ATP9A: variants seen among roughly 807,000 people sequenced by gnomAD.
The protein encoded by ATP9A is ATPase phospholipid transporting 9A, also known as probable phospholipid-transporting ATPase IIA.
ATP9A carries 52 observed loss-of-function variants against 144.1 expected under a neutral mutation model. That is an observed-to-expected ratio of 0.36 (90% CI 0.29 to 0.45). ATP9A has a LOEUF of 0.45. ATP9A is among the 20% of genes least tolerant of loss of function. The pLI, the probability that ATP9A is intolerant of heterozygous loss-of-function variation, is 1.00. For missense variants in ATP9A, 947 were observed against 1,392.7 expected, an observed-to-expected ratio of 0.68 and a Z score of 5.09; for synonymous variants, 582 against 557.4, an observed-to-expected ratio of 1.04 and a Z score of -0.62.
At chr20:51,630,244 T>C (rs916839859) in intron 15 of ATP9A, among the ~76,000 whole-genome samples, 9 of 152,084 alleles carry the variant, frequency 5.9e-5, no homozygotes, top group Non-Finnish European at 1.2e-4. Flanking sequence ...CCTTCCCCCA[T>C]TTTCCCCCAA....
Position 51,617,653 on chromosome 20 carries a change from T to C in ATP9A, c.2351-99A>G, listed in dbSNP as rs888518497. ...CGCACTCTCGTCTTTCACGGAGCGC[T>C]TGCTGAGTGCCTGGCCTGCCCCGTC... is the stretch of plus-strand genomic sequence containing the variant. On this transcript the variant is annotated intron_variant, in intron 21 of 27. Transcript: ENST00000338821. 6.7e-6 allele frequency: 9 copies of C among 1,348,278 alleles called. No homozygotes were observed. The African/African-American group carries it at 1.3e-4, about 20-fold the overall frequency. The allele number at this position is 1,348,278 out of a possible 1,614,324, so 83.5% of individuals were successfully genotyped here.
intron 4 of ATP9A, 44 bp downstream of exon 4, chr20:51,712,922 G>C: frequency 6.6e-7 from 1 of 1,524,788 alleles, no homozygotes; most frequent in South Asian, 1.2e-5. Flanking sequence ...TCAGCGGCCC[G>C]TGATTGAGCT....
At chr20:51,723,798 G>A (rs771842688) in intron 3 of ATP9A, among the ~76,000 whole-genome samples, 9 of 151,966 alleles carry the variant, frequency 5.9e-5, no homozygotes, top group African/African-American at 1.4e-4. Context: ...CTCTTGATCC[G>A]CCCATCTCAG....
rs2077243263 is a variant in ATP9A at position 51,625,228 on chromosome 20, C to T, written c.1980G>A (p.Arg660=). The change falls in exon 18 of 28, where the codon CGG becomes CGA. Residue 660 remains arginine, a synonymous_variant. Transcript: ENST00000338821. The stretch of plus-strand genomic sequence containing the variant: ...CATTCCTCAGGGTCTCCAGCGTGGG[C>T]CGCACATCTGCCTGCAGCTGGTCCT... The part of the protein sequence containing the change: ...GVEDQLQADV[R]PTLETLRNAG... 6.2e-7 allele frequency: 1 copy of T among 1,613,876 alleles called. No individual in the cohort carries two copies.
intron 22 of ATP9A, among the ~76,000 whole-genome samples, chr20:51,616,693 C>T (rs1601058413): frequency 1.3e-5 from 2 of 151,986 alleles, no homozygotes; most frequent in South Asian, 2.1e-4. Context: ...AAATTAGGGC[C>T]GAGTAAACTG....
At chr20:51,759,157 C>T (rs2077868573) in intron 1 of ATP9A, among the ~76,000 whole-genome samples, 1 of 152,206 alleles carries the variant, frequency 6.6e-6, no homozygotes, top group African/African-American at 2.4e-5. Flanking sequence ...GGACAGAGAG[C>T]ACAGCCCCAT....
At chr20:51,749,782 C>T (rs1197775270) in intron 1 of ATP9A, among the ~76,000 whole-genome samples, 1 of 152,060 alleles carries the variant, frequency 6.6e-6, no homozygotes, top group Non-Finnish European at 1.5e-5. Context: ...ACTGACTTTG[C>T]AATGGCTACA....
chr20:51,702,115 T>G (rs535064371), intron 4 of ATP9A, among the ~76,000 whole-genome samples: 1 of 151,800 alleles, frequency 6.6e-6, no homozygotes, highest in South Asian at 2.1e-4. Flanking sequence ...CTGGCCAACA[T>G]AGTGAAACCC....
At chr20:51,724,091 G>A (rs112376972) in intron 3 of ATP9A, among the ~76,000 whole-genome samples, 10,241 of 151,842 alleles carry the variant, frequency 0.067, 792 homozygotes, top group African/African-American at 0.19. Flanking sequence ...GAATCGCTTG[G>A]ACCCAGGAGG....
chr20:51,693,615 G>A (rs2077557931), intron 7 of ATP9A, among the ~76,000 whole-genome samples: 1 of 152,094 alleles, frequency 6.6e-6, no homozygotes, highest in African/African-American at 2.4e-5. Context: ...ATGGCTCACT[G>A]CAGCCTCGAA....
At chr20:51,753,579 C>A (rs2077842528) in intron 1 of ATP9A, among the ~76,000 whole-genome samples, 1 of 152,022 alleles carries the variant, frequency 6.6e-6, no homozygotes, top group South Asian at 2.1e-4. Context: ...GGTTTGTGTT[C>A]ATTGTGATTG....
Position 51,747,058 on chromosome 20 carries a change from T to C in ATP9A, c.69-17080A>G, listed in dbSNP as rs574964655. Reference sequence around the variant, plus strand: ...GAAGGAAAGGTATGAAGGGAAACTTTTGCTCTTCCTTCTAAATACATCTAA... The same window carrying C: ...GAAGGAAAGGTATGAAGGGAAACTTCTGCTCTTCCTTCTAAATACATCTAA... On this transcript the variant is annotated intron_variant, in intron 1 of 27. Coordinates refer to ENST00000338821, the MANE Select transcript of ATP9A (RefSeq NM_006045.3). Among the ~76,000 whole-genome samples the C allele has an allele frequency of 2.0e-5, 3 of 151,482 alleles. No homozygotes were observed. In the East Asian group the frequency reaches 5.8e-4, roughly 29 times the overall value.
chr20:51,672,698 T>C (rs1193012710), intron 11 of ATP9A, among the ~76,000 whole-genome samples: 1 of 152,122 alleles, frequency 6.6e-6, no homozygotes, highest in Non-Finnish European at 1.5e-5. Context: ...AGACAGAGTA[T>C]AAGCACTAAA....
At chr20:51,601,421 G>T (rs551442340) in intron 27 of ATP9A, 74 bp from the exon 28 acceptor site, 5 of 1,415,884 alleles carry the variant, frequency 3.5e-6, no homozygotes, top group Middle Eastern at 1.9e-4. Context: ...AGAAACAGGC[G>T]TCACAACTAT....
chr20:51,672,645 T>C (rs1278672449), intron 11 of ATP9A, among the ~76,000 whole-genome samples: 1 of 152,146 alleles, frequency 6.6e-6, no homozygotes, highest in African/African-American at 2.4e-5. Context: ...GATCTAAATA[T>C]ATAAAATAGC....
At position 51,729,889 on chromosome 20, in the gene ATP9A, T is replaced by C; in HGVS notation, c.158A>G (p.Tyr53Cys). 6.2e-7 allele frequency: 1 copy of C among 1,605,356 alleles called. No homozygotes were observed. Among genetic ancestry groups the C allele is most frequent in the Non-Finnish European group, 8.5e-7 (1 of 1,176,736 alleles). ...CTGATTGTTGATGACATTCCGAGGA[T>C]ACCTCTGGTCTCTCTTCTCGGGGTG... ...LGHPEKRDQRYPRNVINNQKY... is the reference protein window; with the variant it reads ...LGHPEKRDQRCPRNVINNQKY... Residue 53 changes from tyrosine to cysteine, a missense_variant, in exon 2 of 28, where the codon TAT (tyrosine) becomes TGT (cysteine). Tyr to Cys is a radical substitution (Grantham distance 194). This residue lies in a region of ATP9A where 770 missense variants were observed against 1,047.9 expected (regional missense o/e 0.73). Coordinates refer to ENST00000338821, the MANE Select transcript of ATP9A (RefSeq NM_006045.3).
Position 51,724,155 on chromosome 20 carries a change from G to C in ATP9A, c.327+1664C>G, listed in dbSNP as rs543509122. On this transcript the variant is annotated intron_variant, in intron 3 of 27. Coordinates refer to ENST00000338821, the MANE Select transcript of ATP9A (RefSeq NM_006045.3). ...CACTGCACTCCAACCTGGGCAATAA[G>C]AGCGAAACTCCATCTCAAAAATAAA... Among the ~76,000 whole-genome samples the C allele has an allele frequency of 5.3e-5, 8 of 151,972 alleles. No homozygotes were observed. In the East Asian group the frequency reaches 1.4e-3, roughly 26 times the overall value.
At chr20:51,706,031 G>A (rs1294404086) in intron 4 of ATP9A, among the ~76,000 whole-genome samples, 1 of 152,200 alleles carries the variant, frequency 6.6e-6, no homozygotes, top group Non-Finnish European at 1.5e-5. Context: ...GGAAAGGGAT[G>A]CTTGTTTATC....
At chr20:51,613,873 G>A (rs746464979) in intron 22 of ATP9A, 41 bp from the exon 23 acceptor site, 2 of 1,569,954 alleles carry the variant, frequency 1.3e-6, no homozygotes, top group Admixed American at 1.8e-5. Flanking sequence ...AAGCACAAGA[G>A]GTCAGGGCAA....
Sources: allele counts gnomAD v4.1 joint callset (sites outside exome capture counted in the v4.1 genomes callset), GRCh38; gene constraint gnomAD v4.1.1; regional missense constraint gnomAD v4.1.1; transcripts MANE v1.5; gene names NCBI Gene and HGNC (gene_info 2026-07-23, HGNC 2026-07-21).